Variants in NLGN2 observed in about 807,000 individuals in gnomAD.
The protein encoded by NLGN2 is neuroligin-2.
In NLGN2, 11 loss-of-function variants were observed where a neutral mutation model predicts 48.6. The observed-to-expected ratio is 0.23, with a 90% CI of 0.14 to 0.37. NLGN2 has a LOEUF of 0.37. NLGN2 is among the 10% of genes least tolerant of loss of function. The pLI, the probability that NLGN2 is intolerant of heterozygous loss-of-function variation, is 1.00. For missense variants in NLGN2, 801 were observed against 1,225.2 expected, an observed-to-expected ratio of 0.65 and a Z score of 5.17; for synonymous variants, 548 against 550.0, an observed-to-expected ratio of 1.00 and a Z score of 0.05.
chr17:7,415,823 C>T lies in NLGN2; in HGVS notation c.1350C>T (p.Thr450=), dbSNP rs770668096. ...DRDNGEMRRK[T]LLALFTDHQW... is the part of the protein sequence containing the mutation. ...ACAATGGCGAAATGCGCCGCAAAACCCTGCTGGCGCTCTTTACTGACCACC... is the reference window on the plus strand; with the variant it reads ...ACAATGGCGAAATGCGCCGCAAAACTCTGCTGGCGCTCTTTACTGACCACC... Residue 450 remains threonine (T), a synonymous_variant, in exon 6 of 7, where the codon ACC becomes ACT. Transcript: ENST00000302926. The T allele has an allele frequency of 8.7e-6, 14 of 1,613,646 alleles. No individual in the cohort carries two copies. The highest frequency in any genetic ancestry group is 1.7e-5 in the Admixed American group (1 of 60,010).
chr17:7,417,504 C>T lies in NLGN2; in HGVS notation c.2213C>T (p.Pro738Leu). 1 of 1,518,016 alleles carries T rather than the reference C, an allele frequency of 6.6e-7. No homozygotes were observed. The highest frequency in any genetic ancestry group is 8.8e-7 in the Non-Finnish European group (1 of 1,136,062). 94.0% of individuals were successfully genotyped at this position (1,518,016 alleles called of 1,614,324 possible). A position where few individuals can be genotyped will look rare whatever the true frequency, so the allele number is the denominator to read the frequency against. Reference sequence around the variant, plus strand: ...CCCGCCGCGGGCCGTGAGCTGCCACCAGAGGAGGAGCTGGTGTCACTGCAG... The same window carrying T: ...CCCGCCGCGGGCCGTGAGCTGCCACTAGAGGAGGAGCTGGTGTCACTGCAG... ...LLPAAGRELP[P>L]EEELVSLQLK... Residue 738 changes from proline (P) to leucine (L), a missense_variant, in exon 7 of 7, where the codon CCA becomes CTA. Around this residue, in one of 5 missense-constraint regions of NLGN2, gnomAD observed 276 missense variants for 313.9 expected, o/e 0.88. Coordinates refer to ENST00000302926, the MANE Select transcript of NLGN2 (RefSeq NM_020795.4).
chr17:7,418,060 A>C lies in NLGN2; in HGVS notation c.*261A>C. The C allele has an allele frequency of 3.4e-6, 1 of 298,142 alleles. No homozygotes were observed. The highest frequency in any genetic ancestry group is 6.2e-6 in the Non-Finnish European group (1 of 160,698). The allele number at this position is 298,142 out of a possible 1,614,324, so 18.5% of individuals were successfully genotyped here. A position where few individuals can be genotyped will look rare whatever the true frequency, so the allele number is the denominator to read the frequency against. On this transcript the variant is annotated 3_prime_UTR_variant, in exon 7 of 7. Transcript: ENST00000302926. ...GGGACACCAGTCTTCGGTGTGTGGA[A>C]TGTGGTATTTTCCCGCGTGGAGGTG...
chr17:7,414,324 G>GCCCCC lies in NLGN2; in HGVS notation c.509-17_509-16insCCCCC. On this transcript the variant is annotated intron_variant, in intron 2 of 6. Coordinates refer to ENST00000302926, the MANE Select transcript of NLGN2 (RefSeq NM_020795.4). Reference sequence around the variant, plus strand: ...TTGTCCCTGACCCCCTGGCCCACCTGCCCACCCCTCCCCACACAGATATCC... The same window carrying GCCCCC: ...TTGTCCCTGACCCCCTGGCCCACCTGCCCCCCCCACCCCTCCCCACACAGATATCC... 8 of 1,434,850 alleles carry GCCCCC rather than the reference G, an allele frequency of 5.6e-6. No individual in the cohort carries two copies. The highest frequency in any genetic ancestry group is 4.5e-5 in the Admixed American group (2 of 44,066). The allele number at this position is 1,434,850 out of a possible 1,614,324, so 88.9% of individuals were successfully genotyped here.
chr17:7,410,824 G>A lies in NLGN2; in HGVS notation c.458-1333G>A, dbSNP rs116491625. On this transcript the variant is annotated intron_variant, in intron 1 of 6. Coordinates refer to ENST00000302926, the MANE Select transcript of NLGN2 (RefSeq NM_020795.4). ...AAGAGGTTGACTCAGGCGCGCGCGCGCACACACACACGCGCTTCATAGACT... is the reference window on the plus strand; with the variant it reads ...AAGAGGTTGACTCAGGCGCGCGCGCACACACACACACGCGCTTCATAGACT... 6.2e-3 allele frequency among the ~76,000 whole-genome samples: 950 copies of A among 152,188 alleles called. 8 individuals are homozygous for A. The highest frequency in any genetic ancestry group is 0.018 in the African/African-American group (767 of 41,498).
chr17:7,411,078 G>A lies in NLGN2; in HGVS notation c.458-1079G>A, dbSNP rs1009219293. ...CCCCCAGGCCTCTGGGCTCCAGCTC[G>A]CCCCTGACCAACCCCGTAATCTGGA... On this transcript the variant is annotated intron_variant, in intron 1 of 6. Coordinates refer to ENST00000302926, the MANE Select transcript of NLGN2 (RefSeq NM_020795.4). This position sits in a 1 kb window ranked among gnomAD's most constrained non-coding sequence, Gnocchi z 4.5. Among the ~76,000 whole-genome samples the A allele has an allele frequency of 3.9e-5, 6 of 152,344 alleles. 1 individual carries two copies. The South Asian group carries it at 8.3e-4, about 21-fold the overall frequency.
rs1239429322 is a variant in NLGN2 at position 7,413,869 on chromosome 17, C to T, written c.509-475C>T. On this transcript the variant is annotated intron_variant, in intron 2 of 6. Transcript: ENST00000302926. This position sits in a 1 kb window ranked among gnomAD's most constrained non-coding sequence, Gnocchi z 4.9. The stretch of plus-strand genomic sequence containing the variant: ...CACAGACCAGGGACCCTAGGCCTGG[C>T]ACCCCTCACCCACCGACCAGGGTGC... Among the ~76,000 whole-genome samples the T allele has an allele frequency of 1.3e-5, 2 of 151,964 alleles. No individual in the cohort carries two copies. Among genetic ancestry groups the T allele is most frequent in the Non-Finnish European group, 2.9e-5 (2 of 67,976 alleles).
chr17:7,416,305 A>T (rs1907098893), intron 6 of NLGN2, among the ~76,000 whole-genome samples, 198 bp downstream of exon 6: 1 of 152,032 alleles, frequency 6.6e-6, no homozygotes, highest in South Asian at 2.1e-4. Context: ...CTTTCTGGGG[A>T]GTTGGGGGCC....
In NLGN2 at chr17:7,417,454, C is replaced by G. The variant is rs746575063; in HGVS notation, c.2163C>G (p.Gly721=). 1.9e-6 allele frequency: 3 copies of G among 1,569,790 alleles called. No individual in the cohort carries two copies. Among genetic ancestry groups the G allele is most frequent in the Non-Finnish European group, 2.6e-6 (3 of 1,161,364 alleles). ...RLSPPGGSGS[G]VPGGGPLLPA... is the part of the protein sequence containing the mutation. ...GCCCACCTGGCGGCTCAGGCTCTGG[C>G]GTGCCTGGTGGGGGCCCCCTGCTCC... Residue 721 remains glycine, a synonymous_variant, in exon 7 of 7, where the codon GGC becomes GGG. Coordinates refer to ENST00000302926, the MANE Select transcript of NLGN2 (RefSeq NM_020795.4).
rs1396481916 is a variant in NLGN2 at position 7,407,964 on chromosome 17, G to C, written c.-292G>C. 5 of 273,660 alleles carry C rather than the reference G, an allele frequency of 1.8e-5. No homozygotes were observed. In the East Asian group the frequency reaches 1.9e-4, roughly 10 times the overall value. The allele number at this position is 273,660 out of a possible 1,614,324, so 17.0% of individuals were successfully genotyped here. ...CACCTCTGTATTTTTCTGTCTGTCC[G>C]TCTGTCTGTATCCTGCCTCCCTGCC... On this transcript the variant is annotated 5_prime_UTR_variant, in exon 1 of 7. Coordinates refer to ENST00000302926, the MANE Select transcript of NLGN2 (RefSeq NM_020795.4).
At position 7,412,166 on chromosome 17, in the gene NLGN2, C is replaced by CA. The variant is rs752986203; in HGVS notation, c.474dup (p.Arg159ThrfsTer2). ...GTGTTCCCGGTCTTAGGTCCGCTCA[C>CA]AAAAAAACGTGACGAGGCGACGCTC... On this transcript the variant is annotated frameshift_variant, in exon 2 of 7. Coordinates refer to ENST00000302926, the MANE Select transcript of NLGN2 (RefSeq NM_020795.4). LOFTEE classifies it high-confidence loss of function. 1 of 1,604,772 alleles carries CA rather than the reference C, an allele frequency of 6.2e-7. No homozygotes were observed. Among genetic ancestry groups the CA allele is most frequent in the Non-Finnish European group, 8.5e-7 (1 of 1,175,222 alleles).
chr17:7,410,208 T>C (rs1906822383), intron 1 of NLGN2, among the ~76,000 whole-genome samples: 1 of 138,244 alleles, frequency 7.2e-6, no homozygotes, highest in South Asian at 2.5e-4. Flanking sequence ...GAACATCTCA[T>C]GCACCTCCAC....
chr17:7,404,811 G>C (rs1288780969), upstream of NLGN2: 1 of 118,924 alleles, frequency 8.4e-6, no homozygotes, highest in African/African-American at 3.3e-5. Flanking sequence ...GTGCGAGCGG[G>C]GGGTGCGAGC....
chr17:7,410,044 C>A (rs1597708054), intron 1 of NLGN2, among the ~76,000 whole-genome samples: 1 of 152,040 alleles, frequency 6.6e-6, no homozygotes, highest in Non-Finnish European at 1.5e-5. Flanking sequence ...ATCCCCAACA[C>A]TCCTCAATCA....
rs138117058 is a variant in NLGN2 at position 7,417,073 on chromosome 17, C to T, written c.1782C>T (p.Arg594=). Residue 594 remains arginine, a synonymous_variant, in exon 7 of 7, where the codon CGC becomes CGT. Coordinates refer to ENST00000302926, the MANE Select transcript of NLGN2 (RefSeq NM_020795.4). ...AGCCACGCGTGCGTGACAACTACCGCGCCAACAAGGTGGCCTTCTGGCTGG... is the reference window on the plus strand; with the variant it reads ...AGCCACGCGTGCGTGACAACTACCGTGCCAACAAGGTGGCCTTCTGGCTGG... ...GLKPRVRDNY[R]ANKVAFWLEL... 2.8e-4 allele frequency: 444 copies of T among 1,613,972 alleles called. 4 individuals are homozygous for T. The South Asian group carries it at 4.6e-3, about 17-fold the overall frequency.
rs989412548 is a variant in NLGN2, at chr17:7,408,170, A to AG, written c.-80dup. The AG allele has an allele frequency of 2.6e-5, 17 of 649,650 alleles. No individual in the cohort carries two copies. In the East Asian group the frequency reaches 4.5e-4, roughly 17 times the overall value. The allele number at this position is 649,650 out of a possible 1,614,324, so 40.2% of individuals were successfully genotyped here. The stretch of plus-strand genomic sequence containing the variant: ...CCCGCCCCTCCTCCCTCCTGGGGCG[A>AG]GGGGGGCCTCCCTCCCTCTCCCCCC... On this transcript the variant is annotated 5_prime_UTR_variant, in exon 1 of 7. Transcript: ENST00000302926. The surrounding 1 kb of genome is among the most constrained non-coding windows in gnomAD (Gnocchi z 7.5).
In NLGN2 at chr17:7,408,835, C is replaced by G; in HGVS notation, c.457+123C>G. On this transcript the variant is annotated intron_variant, in intron 1 of 6. Transcript: ENST00000302926. This position sits in a 1 kb window ranked among gnomAD's most constrained non-coding sequence, Gnocchi z 7.5. The stretch of plus-strand genomic sequence containing the variant: ...GGGCCTTTGTGGGGGCAGTGAGGGA[C>G]GGAGTGTCCCTGCAACCTCTACGTG... 7.8e-6 allele frequency: 12 copies of G among 1,542,694 alleles called. No individual in the cohort carries two copies. The highest frequency in any genetic ancestry group is 1.1e-5 in the Non-Finnish European group (12 of 1,133,060).
In NLGN2 at chr17:7,417,731, C is replaced by T. The variant is rs1907191847; in HGVS notation, c.2440C>T (p.Pro814Ser). ...CCTTCATCCCTTCGGGCCCTTCCCC[C>T]CGCCCCCTCCCACCGCCACCAGCCA... Reference protein sequence around the residue: ...PSLHPFGPFPPPPPTATSHNN... With the variant: ...PSLHPFGPFPSPPPTATSHNN... The change falls in exon 7 of 7, where the codon CCG becomes TCG. Residue 814 changes from proline to serine, a missense_variant. Around this residue, in one of 5 missense-constraint regions of NLGN2, gnomAD observed 276 missense variants for 313.9 expected, o/e 0.88. Coordinates refer to ENST00000302926, the MANE Select transcript of NLGN2 (RefSeq NM_020795.4). 2.6e-6 allele frequency: 3 copies of T among 1,166,536 alleles called. No homozygotes were observed. Among genetic ancestry groups the T allele is most frequent in the Non-Finnish European group, 3.4e-6 (3 of 891,222 alleles). 72.3% of individuals were successfully genotyped at this position (1,166,536 alleles called of 1,614,324 possible).
At position 7,415,746 on chromosome 17, in the gene NLGN2, G is replaced by A. The variant is rs766969799; in HGVS notation, c.1273G>A (p.Asp425Asn). The A allele has an allele frequency of 1.2e-6, 2 of 1,614,276 alleles. No homozygotes were observed. Among genetic ancestry groups the A allele is most frequent in the Non-Finnish European group, 1.7e-6 (2 of 1,180,052 alleles). ...CCTGTATGGCTACCCGGAAGGCAAG[G>A]ATGTGCTTCGGGAGACCATCAAGTT... ...DNLYGYPEGKDVLRETIKFMY... is the reference protein window; with the variant it reads ...DNLYGYPEGKNVLRETIKFMY... Residue 425 changes from aspartate to asparagine, a missense_variant, in exon 6 of 7, where the codon GAT (aspartate) becomes AAT (asparagine). Around this residue, in one of 5 missense-constraint regions of NLGN2, gnomAD observed 303 missense variants for 600.1 expected, o/e 0.50. Transcript: ENST00000302926.
intron 1 of NLGN2, among the ~76,000 whole-genome samples, chr17:7,410,930 T>C (rs949645928): frequency 2.6e-5 from 4 of 152,184 alleles, no homozygotes; most frequent in African/African-American, 9.6e-5. Context: ...CGGGTCCCCA[T>C]GGGGCCATCA....
Sources: allele counts gnomAD v4.1 joint callset (sites outside exome capture counted in the v4.1 genomes callset), GRCh38; gene constraint gnomAD v4.1.1; regional missense constraint gnomAD v4.1.1; non-coding constraint Gnocchi (gnomAD v3.1); transcripts MANE v1.5; gene names NCBI Gene and HGNC (gene_info 2026-07-23, HGNC 2026-07-21).